The following CNKSR3 variants were observed in gnomAD, a reference collection of about 807,000 sequenced individuals.
The protein encoded by CNKSR3 is connector enhancer of kinase suppressor of ras 3.
A neutral mutation model predicts 67.7 loss-of-function variants in CNKSR3; 36 were observed. The observed-to-expected ratio is 0.53, with a 90% CI of 0.41 to 0.70. The LOEUF (loss-of-function observed/expected upper bound fraction) is 0.70, where lower values mean the gene tolerates loss of function less well. Among genes scored for constraint, CNKSR3 ranks in the 30% least tolerant of loss-of-function variants. CNKSR3 has a pLI of 0.00. For missense variants in CNKSR3, 630 were observed against 695.2 expected (o/e 0.91, Z 1.05); for synonymous variants, 281 against 271.4 (o/e 1.04, Z -0.35).
intron 1 of CNKSR3, among the ~76,000 whole-genome samples, chr6:154,475,841 G>A (rs1440995170): frequency 4.6e-5 from 7 of 151,892 alleles, no homozygotes; most frequent in Admixed American, 6.6e-5. Context: ...CGTGGTCGAC[G>A]ACCAATAAAT....
intron 1 of CNKSR3, among the ~76,000 whole-genome samples, chr6:154,497,787 A>C (rs1293805045): frequency 2.7e-5 from 4 of 148,114 alleles, no homozygotes; most frequent in Admixed American, 6.7e-5. Context: ...GGTGAGTGCC[A>C]TTCTGGATTA....
At chr6:154,435,824 T>C (rs1191070697) in intron 4 of CNKSR3, among the ~76,000 whole-genome samples, 1 of 152,260 alleles carries the variant, frequency 6.6e-6, no homozygotes, top group Non-Finnish European at 1.5e-5. Flanking sequence ...CTGAGCAGTC[T>C]TGTGCAGTAG....
At chr6:154,499,637 G>C (rs1244104918) in intron 1 of CNKSR3, among the ~76,000 whole-genome samples, 1 of 151,866 alleles carries the variant, frequency 6.6e-6, no homozygotes, top group Non-Finnish European at 1.5e-5. Context: ...TTTTTAATGT[G>C]GGGGGTTCTT....
rs1786759961 is a variant in CNKSR3, at chr6:154,490,336, A to AT, written c.52+19726dup. Among the ~76,000 whole-genome samples the AT allele has an allele frequency of 3.3e-5, 5 of 152,250 alleles. No individual in the cohort carries two copies. In the South Asian group the frequency reaches 1.0e-3, roughly 32 times the overall value. ...GAGAGGACAGTGCCTGCCTGATAGAATTCTGAATCAAATAATGAGCCCTAA... is the reference window on the plus strand; with the variant it reads ...GAGAGGACAGTGCCTGCCTGATAGAATTTCTGAATCAAATAATGAGCCCTAA... On this transcript the variant is annotated intron_variant, in intron 1 of 12. Transcript: ENST00000607772.
chr6:154,476,545 C>T (rs1443084268), intron 1 of CNKSR3, among the ~76,000 whole-genome samples: 1 of 151,786 alleles, frequency 6.6e-6, no homozygotes, highest in South Asian at 2.1e-4. Flanking sequence ...GTTTCCCAGC[C>T]TTCAAGAGAG....
At chr6:154,429,992 T>C (rs1005274768) in intron 6 of CNKSR3, among the ~76,000 whole-genome samples, 1 of 152,200 alleles carries the variant, frequency 6.6e-6, no homozygotes, top group Non-Finnish European at 1.5e-5. Flanking sequence ...TCCCATAAGA[T>C]GCACGCTAGG....
chr6:154,443,439 G>A (rs1371042047), intron 2 of CNKSR3, among the ~76,000 whole-genome samples: 1 of 86,228 alleles, frequency 1.2e-5, no homozygotes, highest in Non-Finnish European at 2.2e-5. Flanking sequence ...ATCGCCCTGT[G>A]TCCCCTGGTG....
intron 10 of CNKSR3, among the ~76,000 whole-genome samples, chr6:154,412,650 G>A (rs1251038132): frequency 6.6e-6 from 1 of 152,138 alleles, no homozygotes; most frequent in African/African-American, 2.4e-5. Context: ...GCTATAATAA[G>A]TTCTGAGTAA....
intron 9 of CNKSR3, among the ~76,000 whole-genome samples, chr6:154,415,097 C>CAAAAAAAAAAAAAAAAAAAA (rs1157415390): frequency 3.0e-5 from 1 of 33,242 alleles, no homozygotes; most frequent in African/African-American, 7.7e-5. Context: ...GACTCTGTCT[C>CAAAAAAAAAAAAAAAAAAAA]AAAAAAAAAA....
intron 5 of CNKSR3, among the ~76,000 whole-genome samples, 160 bp downstream of exon 5, chr6:154,433,306 T>C (rs1374500526): frequency 6.6e-6 from 1 of 152,218 alleles, no homozygotes; most frequent in African/African-American, 2.4e-5. Flanking sequence ...GTTAAATAAC[T>C]TTTATGCTTT....
At chr6:154,462,560 A>T (rs1386245724) in intron 1 of CNKSR3, among the ~76,000 whole-genome samples, 1 of 152,166 alleles carries the variant, frequency 6.6e-6, no homozygotes, top group Admixed American at 6.5e-5. Flanking sequence ...ATCTACAGCC[A>T]AAAAGGTCCA....
At chr6:154,439,190 A>G (rs1785532146) in intron 4 of CNKSR3, among the ~76,000 whole-genome samples, 1 of 152,044 alleles carries the variant, frequency 6.6e-6, no homozygotes, top group Non-Finnish European at 1.5e-5. Context: ...ATAACCACAT[A>G]TATTCATATA....
chr6:154,448,113 G>A (rs1785744964), intron 2 of CNKSR3, among the ~76,000 whole-genome samples: 1 of 152,058 alleles, frequency 6.6e-6, no homozygotes, highest in Admixed American at 6.5e-5. Context: ...GAAGGAAATT[G>A]TAGGAGATAA....
chr6:154,444,799 G>A (rs1785674074), intron 2 of CNKSR3, among the ~76,000 whole-genome samples: 1 of 151,980 alleles, frequency 6.6e-6, no homozygotes. Flanking sequence ...TAGAGACGGG[G>A]TTTCACCATG....
At chr6:154,489,365 G>C (rs568642560) in intron 1 of CNKSR3, among the ~76,000 whole-genome samples, 1 of 152,102 alleles carries the variant, frequency 6.6e-6, no homozygotes, top group Admixed American at 6.5e-5. Flanking sequence ...ACCACATCTC[G>C]ACTAAAAATA....
Position 154,406,108 on chromosome 6 carries a change from G to A in CNKSR3, c.*246C>T. The A allele has an allele frequency of 2.0e-6, 1 of 493,834 alleles. No homozygotes were observed. The highest frequency in any genetic ancestry group is 3.5e-5 in the East Asian group (1 of 28,796). 30.6% of individuals were successfully genotyped at this position (493,834 alleles called of 1,614,324 possible). A position where few individuals can be genotyped will look rare whatever the true frequency, so the allele number is the denominator to read the frequency against. On this transcript the variant is annotated 3_prime_UTR_variant, in exon 13 of 13. Transcript: ENST00000607772. The stretch of plus-strand genomic sequence containing the variant: ...GTCTTCACATTCTATCTCTGGGGAA[G>A]CAAGACAAACAGGCTCTACCCATTT...
Position 154,399,603 on chromosome 6 carries a change from A to C in CNKSR3, c.*6751T>G, listed in dbSNP as rs1193410916. ...CTTGATGCAAATTCCCAAAAGTCAA[A>C]GGCTTCTAAATTCGCGCTAATTCCT... On this transcript the variant is annotated 3_prime_UTR_variant, in exon 13 of 13. Coordinates refer to ENST00000607772, the MANE Select transcript of CNKSR3 (RefSeq NM_173515.4). The C allele has an allele frequency of 6.6e-6, 1 of 151,926 alleles. No homozygotes were observed. The highest frequency in any genetic ancestry group is 1.9e-4 in the East Asian group (1 of 5,166). 9.4% of individuals were successfully genotyped at this position (151,926 alleles called of 1,614,324 possible). A position where few individuals can be genotyped will look rare whatever the true frequency, so the allele number is the denominator to read the frequency against.
intron 1 of CNKSR3, among the ~76,000 whole-genome samples, chr6:154,452,484 ACTTAGCCAGTT>A (rs67648017): frequency 0.7 from 106,453 of 151,648 alleles, 37,698 homozygotes; most frequent in East Asian, 0.9. Context: ...ACCCAGAATC[ACTTAGCCAGTT>A]CTAAGCCTGA....
At chr6:154,480,949 T>C (rs1202532051) in intron 1 of CNKSR3, among the ~76,000 whole-genome samples, 3 of 152,092 alleles carry the variant, frequency 2.0e-5, no homozygotes, top group Non-Finnish European at 1.5e-5. Flanking sequence ...AGCAGTCTTA[T>C]GCATATTTGA....
Sources: allele counts gnomAD v4.1 joint callset (sites outside exome capture counted in the v4.1 genomes callset), GRCh38; gene constraint gnomAD v4.1.1; transcripts MANE v1.5; gene names NCBI Gene and HGNC (gene_info 2026-07-23, HGNC 2026-07-21).